The following MATCAP2 variants were observed in gnomAD, a reference collection of about 807,000 sequenced individuals.
MATCAP2 encodes the protein microtubule associated tyrosine carboxypeptidase 2.
chr7:36,358,847 A>G, the MATCAP2 span, among the ~76,000 whole-genome samples: 1 of 152,258 alleles, frequency 6.6e-6, no homozygotes, highest in African/African-American at 2.4e-5. Flanking sequence ...CATGAAAAAC[A>G]AAAGACACAA....
At chr7:36,326,907 T>C in the MATCAP2 span, 1 of 1,603,024 alleles carries the variant, frequency 6.2e-7, no homozygotes, top group Non-Finnish European at 8.5e-7. Context: ...GATCCACATC[T>C]TCATAAGAAA....
the MATCAP2 span, among the ~76,000 whole-genome samples, chr7:36,386,427 A>ATGTGTATGTGTATG: frequency 5.9e-5 from 8 of 135,894 alleles, no homozygotes; most frequent in Non-Finnish European, 3.2e-5. Context: ...TATATGGTAT[A>ATGTGTATGTGTATG]TGTGTATGTG....
At chr7:36,336,592 G>T in the MATCAP2 span, among the ~76,000 whole-genome samples, 3 of 152,126 alleles carry the variant, frequency 2.0e-5, no homozygotes, top group Admixed American at 2.0e-4. Context: ...GATAGGCTGA[G>T]AAGCTGGGGA....
the MATCAP2 span, among the ~76,000 whole-genome samples, chr7:36,345,862 A>G: frequency 2.0e-5 from 3 of 152,166 alleles, no homozygotes; most frequent in African/African-American, 4.8e-5. Flanking sequence ...ACTTCATCAA[A>G]ATTGTGCTTC....
At chr7:36,367,811 C>T in the MATCAP2 span, among the ~76,000 whole-genome samples, 1 of 152,310 alleles carries the variant, frequency 6.6e-6, no homozygotes, top group East Asian at 1.9e-4. Context: ...TGCCTGTAAT[C>T]CTCGCACTTT....
chr7:36,356,634 TAGAACC>T, the MATCAP2 span: 1 of 559,126 alleles, frequency 1.8e-6, no homozygotes, highest in East Asian at 2.9e-5. Flanking sequence ...CATGAAAGCT[TAGAACC>T]AGAATCTGAA....
At chr7:36,356,855 G>A in the MATCAP2 span, 1 of 1,409,082 alleles carries the variant, frequency 7.1e-7, no homozygotes, top group African/African-American at 1.4e-5. Flanking sequence ...ACAGATAATT[G>A]TTTTAGTACA....
chr7:36,382,379 G>A, the MATCAP2 span, among the ~76,000 whole-genome samples: 3 of 149,526 alleles, frequency 2.0e-5, no homozygotes, highest in Non-Finnish European at 4.4e-5. Context: ...TGTTATATTT[G>A]ATGTTCAATA....
the MATCAP2 span, chr7:36,357,617 A>G: frequency 6.5e-7 from 1 of 1,530,400 alleles, no homozygotes; most frequent in Non-Finnish European, 8.9e-7. Flanking sequence ...AATCAAAACA[A>G]AAGAAATAAC....
the MATCAP2 span, among the ~76,000 whole-genome samples, chr7:36,338,485 A>G: frequency 6.6e-6 from 1 of 151,898 alleles, no homozygotes; most frequent in Non-Finnish European, 1.5e-5. Context: ...TTTTGTAGAG[A>G]CAGTCTTGCT....
At chr7:36,336,294 T>C in the MATCAP2 span, 18 of 1,520,514 alleles carry the variant, frequency 1.2e-5, no homozygotes, top group East Asian at 4.9e-5. Flanking sequence ...ATAATATTGA[T>C]AGACTGTAAA....
At chr7:36,334,102 G>A in the MATCAP2 span, 14 of 1,613,832 alleles carry the variant, frequency 8.7e-6, no homozygotes, top group Admixed American at 3.3e-5. Flanking sequence ...TGTTTTTTAC[G>A]TCCAGTCCAA....
the MATCAP2 span, among the ~76,000 whole-genome samples, chr7:36,345,221 C>CA: frequency 1.3e-5 from 2 of 151,980 alleles, no homozygotes; most frequent in Non-Finnish European, 2.9e-5. Flanking sequence ...AAACATTGAA[C>CA]AAAAAAACCC....
At chr7:36,346,680 C>T in the MATCAP2 span, among the ~76,000 whole-genome samples, 10 of 152,176 alleles carry the variant, frequency 6.6e-5, no homozygotes, top group Admixed American at 3.9e-4. Flanking sequence ...TTTGAGGTGA[C>T]GAAATGTTCT....
At chr7:36,339,840 T>C in the MATCAP2 span, among the ~76,000 whole-genome samples, 3 of 152,058 alleles carry the variant, frequency 2.0e-5, no homozygotes. Context: ...TGCTTATAGA[T>C]ATTTTTTTTA....
chr7:36,338,375 GT>G, the MATCAP2 span, among the ~76,000 whole-genome samples: 4,221 of 152,188 alleles, frequency 0.028, 80 homozygotes, highest in African/African-American at 0.03. Context: ...ATGGCTCACT[GT>G]AGACTCAACC....
At chr7:36,362,375 T>C in the MATCAP2 span, among the ~76,000 whole-genome samples, 1 of 152,218 alleles carries the variant, frequency 6.6e-6, no homozygotes, top group East Asian at 1.9e-4. Context: ...GTAAGAGCAA[T>C]TCAGTGCTGC....
the MATCAP2 span, among the ~76,000 whole-genome samples, chr7:36,358,319 T>C: frequency 1.3e-5 from 2 of 152,052 alleles, no homozygotes; most frequent in Non-Finnish European, 2.9e-5. Flanking sequence ...GAAATATATA[T>C]AAAGGTAGCT....
chr7:36,361,275 T>TG, the MATCAP2 span, among the ~76,000 whole-genome samples: 2 of 152,056 alleles, frequency 1.3e-5, no homozygotes, highest in African/African-American at 4.8e-5. Context: ...TCTAAAAGAA[T>TG]GGGGGAAAAG....
Sources: gnomAD v4.1 joint callset for allele counts (sites outside exome capture counted in the v4.1 genomes callset) on GRCh38, gnomAD v4.1.1 for gene constraint, MANE v1.5 for transcripts, NCBI Gene and HGNC (gene_info 2026-07-23, HGNC 2026-07-21) for gene names.